The following CCNY variants were observed in gnomAD, a reference collection of about 807,000 sequenced individuals.
The protein encoded by CCNY is cyclin Y.
Under a neutral mutation model 42.8 loss-of-function variants are expected in CCNY, and 19 were observed. The observed-to-expected ratio is 0.44, with a 90% CI of 0.31 to 0.65. CCNY has a LOEUF of 0.65. CCNY is among the 30% of genes least tolerant of loss of function. CCNY has a pLI of 0.07. For synonymous variants in CCNY, 165 were observed against 162.7 expected (o/e 1.01, Z -0.11); for missense variants, 370 against 437.3 (o/e 0.85, Z 1.37).
chr10:35,372,770 G>C (rs1836965708), intron 1 of CCNY, among the ~76,000 whole-genome samples: 1 of 152,192 alleles, frequency 6.6e-6, no homozygotes, highest in Non-Finnish European at 1.5e-5. Context: ...CGCGATCTCA[G>C]CTCACTGCAA....
At position 35,572,541 on chromosome 10, in the gene CCNY, A is replaced by C. The variant is rs908194387; in HGVS notation, c.*3371A>C. ...GTGATCCACCCCCCTCAGCCTCCCA[A>C]AGTGCTGAGATTACAGGCGTGAGCC... is the stretch of plus-strand genomic sequence containing the variant. On this transcript the variant is annotated 3_prime_UTR_variant, in exon 10 of 10. Transcript: ENST00000374704. 1.3e-5 allele frequency: 2 copies of C among 152,082 alleles called. No individual in the cohort carries two copies. Among genetic ancestry groups the C allele is most frequent in the Non-Finnish European group, 2.9e-5 (2 of 68,028 alleles). The allele number at this position is 152,082 out of a possible 1,614,324, so 9.4% of individuals were successfully genotyped here.
intron 3 of CCNY, among the ~76,000 whole-genome samples, chr10:35,309,790 GT>G (rs1835660361): frequency 6.6e-6 from 1 of 151,854 alleles, no homozygotes; most frequent in African/African-American, 2.4e-5. Context: ...GAGTACATGT[GT>G]TATTTACTTA....
chr10:35,505,839 T>C (rs1194363551), intron 3 of CCNY, among the ~76,000 whole-genome samples: 6 of 152,212 alleles, frequency 3.9e-5, no homozygotes, highest in Non-Finnish European at 2.9e-5. Flanking sequence ...AAGACCAGGA[T>C]TTTCTGGGAG....
chr10:35,261,716 A>G (rs898917258), intron 3 of CCNY, among the ~76,000 whole-genome samples: 36 of 152,136 alleles, frequency 2.4e-4, no homozygotes, highest in Admixed American at 1.4e-3. Flanking sequence ...AAAAAAATTT[A>G]ACGGAATATA....
At chr10:35,525,852 A>G in intron 4 of CCNY, 112 bp from the exon 5 acceptor site, 3 of 906,086 alleles carry the variant, frequency 3.3e-6, no homozygotes, top group Admixed American at 4.8e-5. Flanking sequence ...GTTCAGAAAG[A>G]TTGTTAGACT....
At chr10:35,260,868 C>A (rs35308730) in intron 3 of CCNY, among the ~76,000 whole-genome samples, 2 of 151,938 alleles carry the variant, frequency 1.3e-5, no homozygotes, top group Non-Finnish European at 2.9e-5. Flanking sequence ...AATCTATAAT[C>A]CCAAAACTTG....
At chr10:35,510,472 T>G (rs1385619507) in intron 3 of CCNY, among the ~76,000 whole-genome samples, 2 of 152,168 alleles carry the variant, frequency 1.3e-5, no homozygotes, top group African/African-American at 2.4e-5. Context: ...CCACTTGGGC[T>G]TCCCAAAGTG....
At chr10:35,370,365 A>T (rs1254509632) in intron 1 of CCNY, among the ~76,000 whole-genome samples, 3 of 151,934 alleles carry the variant, frequency 2.0e-5, no homozygotes, top group African/African-American at 7.3e-5. Context: ...GTTAGCCAGG[A>T]TGGTCTTGAT....
intron 8 of CCNY, among the ~76,000 whole-genome samples, chr10:35,555,035 T>C (rs768696421): frequency 5.3e-5 from 8 of 152,346 alleles, no homozygotes; most frequent in Non-Finnish European, 1.2e-4. Flanking sequence ...TTTGAGGAAA[T>C]GTTTATAAAA....
chr10:35,534,101 A>G (rs1840828071), intron 7 of CCNY, among the ~76,000 whole-genome samples: 1 of 150,914 alleles, frequency 6.6e-6, no homozygotes, highest in Non-Finnish European at 1.5e-5. Context: ...AGCTCACTGC[A>G]CCCTGCACCT....
intron 3 of CCNY, among the ~76,000 whole-genome samples, chr10:35,252,427 G>A (rs1449762153): frequency 3.3e-5 from 5 of 151,964 alleles, no homozygotes; most frequent in South Asian, 4.2e-4. Flanking sequence ...TTAGCCAGGC[G>A]TGGTGGCTGG....
chr10:35,461,896 G>C (rs545645901), intron 1 of CCNY, among the ~76,000 whole-genome samples: 8 of 152,104 alleles, frequency 5.3e-5, no homozygotes, highest in African/African-American at 1.7e-4. Flanking sequence ...ATACGTAAAT[G>C]CATAAATAAA....
chr10:35,391,978 A>T (rs967057873), intron 1 of CCNY, among the ~76,000 whole-genome samples: 1 of 121,292 alleles, frequency 8.2e-6, no homozygotes, highest in Non-Finnish European at 1.7e-5. Context: ...AGCCTTCTAT[A>T]ACATTTATTC....
At chr10:35,481,950 G>C (rs1217189541) in intron 1 of CCNY, among the ~76,000 whole-genome samples, 1 of 152,074 alleles carries the variant, frequency 6.6e-6, no homozygotes, top group Non-Finnish European at 1.5e-5. Context: ...CCCCTTAATA[G>C]CTTTGACTCT....
chr10:35,485,489 G>A lies in CCNY; in HGVS notation c.229+2011G>A, dbSNP rs529200483. ...GCCTGTAATCCCAGCACTTTGGGAGGCCAAGGCGGGTGGATCACGAGGTCA... is the reference window on the plus strand; with the variant it reads ...GCCTGTAATCCCAGCACTTTGGGAGACCAAGGCGGGTGGATCACGAGGTCA... On this transcript the variant is annotated intron_variant, in intron 2 of 9. Transcript: ENST00000374704. Among the ~76,000 whole-genome samples the A allele has an allele frequency of 6.6e-5, 10 of 152,340 alleles. No individual in the cohort carries two copies. The East Asian group carries it at 1.9e-3, about 29-fold the overall frequency.
At chr10:35,433,729 A>G (rs1838464403) in intron 1 of CCNY, among the ~76,000 whole-genome samples, 1 of 152,140 alleles carries the variant, frequency 6.6e-6, no homozygotes, top group Non-Finnish European at 1.5e-5. Flanking sequence ...CTCCTGCCTC[A>G]GCCTCCCCAG....
At chr10:35,532,720 A>G (rs1840794314) in intron 7 of CCNY, among the ~76,000 whole-genome samples, 1 of 152,154 alleles carries the variant, frequency 6.6e-6, no homozygotes, top group Non-Finnish European at 1.5e-5. Context: ...AAGTGGGCAG[A>G]AAGGCCTTGG....
chr10:35,418,434 G>A (rs1838073940), intron 1 of CCNY, among the ~76,000 whole-genome samples: 1 of 152,198 alleles, frequency 6.6e-6, no homozygotes. Flanking sequence ...GCCCTTGCTT[G>A]AGCCTATGGA....
chr10:35,545,765 T>C (rs2135441129), intron 7 of CCNY, among the ~76,000 whole-genome samples: 1 of 152,282 alleles, frequency 6.6e-6, no homozygotes, highest in East Asian at 1.9e-4. Context: ...GTTATTGCTG[T>C]AGTTTAGGGT....
Sources: gnomAD v4.1 joint callset for allele counts (sites outside exome capture counted in the v4.1 genomes callset) on GRCh38, gnomAD v4.1.1 for gene constraint, MANE v1.5 for transcripts, NCBI Gene and HGNC (gene_info 2026-07-23, HGNC 2026-07-21) for gene names.